Variants in PRDM15 observed in about 807,000 individuals in gnomAD.
The protein encoded by PRDM15 is PR domain zinc finger protein 15.
A neutral mutation model predicts 128.6 loss-of-function variants in PRDM15; 64 were observed. That is an observed-to-expected ratio of 0.50 (90% confidence interval 0.41 to 0.61). The LOEUF is 0.61. Among genes scored for constraint, PRDM15 ranks in the 20% least tolerant of loss-of-function variants. The probability of loss-of-function intolerance (pLI) is 0.00; values close to 1 mark genes in which losing one functional copy is unlikely to be tolerated. For synonymous variants in PRDM15, 615 were observed against 621.8 expected (o/e 0.99, Z 0.16); for missense variants, 1,242 against 1,569.1 (o/e 0.79, Z 3.52).
chr21:41,830,864 C>T (rs1456878907), intron 11 of PRDM15, among the ~76,000 whole-genome samples: 1 of 152,272 alleles, frequency 6.6e-6, no homozygotes, highest in African/African-American at 2.4e-5. Flanking sequence ...CCAGTGCCAT[C>T]TGTCCCTCTG....
At chr21:41,807,436 C>T (rs115959952) in intron 21 of PRDM15, among the ~76,000 whole-genome samples, 198 of 152,294 alleles carry the variant, frequency 1.3e-3, no homozygotes, top group African/African-American at 4.4e-3. Flanking sequence ...GCATCACCAA[C>T]GGGGACAGGC....
chr21:41,847,331 T>TC, intron 5 of PRDM15, 140 bp from the exon 6 acceptor site: 1 of 596,342 alleles, frequency 1.7e-6, no homozygotes, highest in South Asian at 2.1e-5. Flanking sequence ...CTGTGGTCAC[T>TC]CCACATGACA....
At chr21:41,808,522 T>C (rs1402439629) in intron 21 of PRDM15, among the ~76,000 whole-genome samples, 1 of 152,224 alleles carries the variant, frequency 6.6e-6, no homozygotes, top group African/African-American at 2.4e-5. Flanking sequence ...CAGACGGTGC[T>C]TTCCCAATTC....
chr21:41,805,146 G>A (rs887176114), intron 21 of PRDM15, among the ~76,000 whole-genome samples: 2 of 152,158 alleles, frequency 1.3e-5, no homozygotes, highest in East Asian at 1.9e-4. Context: ...TCCTCAGCAC[G>A]CCCCATGTGT....
chr21:41,836,540 C>T lies in PRDM15; in HGVS notation c.1111G>A (p.Val371Ile). The change falls in exon 9 of 24, where the codon GTT becomes ATT. Residue 371 changes from valine to isoleucine, a missense_variant. Val to Ile is a conservative substitution (Grantham distance 29, BLOSUM62 3). Coordinates refer to ENST00000398548, the MANE Select transcript of PRDM15 (RefSeq NM_001040424.3). ...LIKQLGEHKR[V>I]YQCNICSKIF... ...TTGCTGCAGATATTGCACTGGTAAA[C>T]CCGCTTGTGCTCCCCGAGCTGTTTG... The T allele has an allele frequency of 6.2e-7, 1 of 1,613,054 alleles. No individual in the cohort carries two copies. The highest frequency in any genetic ancestry group is 8.5e-7 in the Non-Finnish European group (1 of 1,179,982).
At chr21:41,805,774 T>C (rs1420346032) in intron 21 of PRDM15, among the ~76,000 whole-genome samples, 1 of 141,828 alleles carries the variant, frequency 7.1e-6, no homozygotes, top group Non-Finnish European at 1.5e-5. Context: ...ATCATCACCA[T>C]CAACACCAAC....
intron 11 of PRDM15, among the ~76,000 whole-genome samples, chr21:41,830,347 C>G (rs1238437203): frequency 6.6e-6 from 1 of 151,344 alleles, no homozygotes; most frequent in Non-Finnish European, 1.5e-5. Flanking sequence ...AACCCACACA[C>G]AAATACACAC....
rs752222453 is a variant in PRDM15, at chr21:41,836,623, A to T, written c.1028T>A (p.Ile343Asn). Residue 343 changes from isoleucine (I) to asparagine (N), a missense_variant, in exon 9 of 24, where the codon ATC (isoleucine) becomes AAC (asparagine). Ile to Asn is a moderately radical substitution (Grantham distance 149, BLOSUM62 -3). Around this residue, in one of 3 missense-constraint regions of PRDM15, gnomAD observed 612 missense variants for 717.0 expected, o/e 0.85. Transcript: ENST00000398548. ...PKFTHHQNNT[I>N]TLKRSLILSS... ...GAGAATTAAGCTCCTCTTGAGCGTGATGGTGTTATTCTGATGATGGGTGAA... is the reference window on the plus strand; with the variant it reads ...GAGAATTAAGCTCCTCTTGAGCGTGTTGGTGTTATTCTGATGATGGGTGAA... The T allele has an allele frequency of 6.2e-7, 1 of 1,612,104 alleles. No homozygotes were observed. Among genetic ancestry groups the T allele is most frequent in the Non-Finnish European group, 8.5e-7 (1 of 1,178,874 alleles).
intron 21 of PRDM15, among the ~76,000 whole-genome samples, chr21:41,808,256 C>CT (rs1402742650): frequency 1.3e-5 from 2 of 152,208 alleles, no homozygotes; most frequent in Non-Finnish European, 2.9e-5. Context: ...TCCCCCGACT[C>CT]TGTTTTCTAG....
chr21:41,821,050 C>T lies in PRDM15; in HGVS notation c.2060+17G>A. Reference sequence around the variant, plus strand: ...CTCTCTCCTGACACAACCCGGGAGCCCCCGACCAGGCCTCACTTCTGCACG... The same window carrying T: ...CTCTCTCCTGACACAACCCGGGAGCTCCCGACCAGGCCTCACTTCTGCACG... On this transcript the variant is annotated intron_variant, in intron 16 of 23. Coordinates refer to ENST00000398548, the MANE Select transcript of PRDM15 (RefSeq NM_001040424.3). The surrounding 1 kb of genome is among the most constrained non-coding windows in gnomAD (Gnocchi z 5.4). 6.2e-7 allele frequency: 1 copy of T among 1,614,144 alleles called. No individual in the cohort carries two copies. Among genetic ancestry groups the T allele is most frequent in the Non-Finnish European group, 8.5e-7 (1 of 1,179,996 alleles).
intron 21 of PRDM15, among the ~76,000 whole-genome samples, chr21:41,805,988 T>TCAC (rs771551606): frequency 0.15 from 6,454 of 42,808 alleles, 301 homozygotes; most frequent in Middle Eastern, 0.24. Flanking sequence ...ATCACCACTA[T>TCAC]CACCACCACC....
chr21:41,876,393 T>C (rs112395265), intron 1 of PRDM15, among the ~76,000 whole-genome samples: 4 of 152,250 alleles, frequency 2.6e-5, no homozygotes, highest in African/African-American at 9.6e-5. Context: ...AGGGGCTTGG[T>C]CACAGCAGAG....
intron 14 of PRDM15, 28 bp downstream of exon 14, chr21:41,823,290 C>A: frequency 6.2e-7 from 1 of 1,604,444 alleles, no homozygotes; most frequent in Non-Finnish European, 8.5e-7. Context: ...GTGAGCATGC[C>A]TGGGTGAGGG....
intron 5 of PRDM15, among the ~76,000 whole-genome samples, chr21:41,848,609 C>G (rs972676463): frequency 6.6e-6 from 1 of 152,168 alleles, no homozygotes; most frequent in African/African-American, 2.4e-5. Flanking sequence ...GAAAAACACT[C>G]GCATGTGAGT....
intron 1 of PRDM15, among the ~76,000 whole-genome samples, chr21:41,865,233 C>T (rs540819158): frequency 3.3e-5 from 5 of 152,174 alleles, no homozygotes; most frequent in South Asian, 2.1e-4. Flanking sequence ...CTTAGCTTAA[C>T]GTCACTTCTT....
At chr21:41,843,372 G>A (rs1423383273) in intron 6 of PRDM15, among the ~76,000 whole-genome samples, 1 of 152,128 alleles carries the variant, frequency 6.6e-6, no homozygotes, top group African/African-American at 2.4e-5. Context: ...CCTTGAACTA[G>A]GGAACGTCTC....
intron 14 of PRDM15, among the ~76,000 whole-genome samples, chr21:41,822,947 A>C (rs1482738639): frequency 6.6e-6 from 1 of 151,924 alleles, no homozygotes; most frequent in Non-Finnish European, 1.5e-5. Flanking sequence ...AGGCGGGAGA[A>C]TCACTTGAAC....
At chr21:41,878,502 CGCT>C (rs1224414001) in intron 1 of PRDM15, among the ~76,000 whole-genome samples, 1 of 152,168 alleles carries the variant, frequency 6.6e-6, no homozygotes, top group Admixed American at 6.5e-5. Context: ...TCTAGCAGGA[CGCT>C]GCGCGTGGCC....
In PRDM15 at chr21:41,804,572, T is replaced by C. The variant is rs1309475267; in HGVS notation, c.2695A>G (p.Thr899Ala). The C allele has an allele frequency of 1.3e-6, 2 of 1,571,900 alleles. No homozygotes were observed. Among genetic ancestry groups the C allele is most frequent in the East Asian group, 2.3e-5 (1 of 43,260 alleles). ...RIDDLDHLPE[T>A]TTIDASSIGI... ...ATGGAGGAGGCGTCGATGGTGGTGG[T>C]CTCCGGGAGGTGGTCCAGGTCATCG... is the stretch of plus-strand genomic sequence containing the variant. The change falls in exon 22 of 24, where the codon ACC (threonine) becomes GCC (alanine). Residue 899 changes from threonine (T) to alanine (A), a missense_variant. Physicochemically the swap from Thr to Ala is moderately conservative, Grantham distance 58. This residue lies in a region of PRDM15 where 602 missense variants were observed against 788.3 expected (regional missense o/e 0.76). Transcript: ENST00000398548.
Sources: gnomAD v4.1 joint callset for allele counts (sites outside exome capture counted in the v4.1 genomes callset) on GRCh38, gnomAD v4.1.1 for gene constraint, gnomAD v4.1.1 regional missense constraint, Gnocchi (gnomAD v3.1) non-coding constraint, MANE v1.5 for transcripts, NCBI Gene and HGNC (gene_info 2026-07-23, HGNC 2026-07-21) for gene names.